The following CNTN4 variants were observed in gnomAD, a reference collection of about 807,000 sequenced individuals.
The protein encoded by CNTN4 is contactin 4.
In CNTN4, 77 loss-of-function variants were observed where a neutral mutation model predicts 122.5. The ratio of observed to expected loss-of-function variants is 0.63; its 90% CI spans 0.52 to 0.76. The LOEUF (loss-of-function observed/expected upper bound fraction) is 0.76, where lower values mean the gene tolerates loss of function less well. CNTN4 is among the 30% of genes least tolerant of loss of function. The pLI, the probability that CNTN4 is intolerant of heterozygous loss-of-function variation, is 0.00. For synonymous variants in CNTN4, 512 were observed against 447.0 expected (o/e 1.15, Z -1.83); for missense variants, 1,256 against 1,259.1 (o/e 1.00, Z 0.04).
chr3:2,512,549 TTA>T (rs1272107699), intron 3 of CNTN4, among the ~76,000 whole-genome samples: 1 of 152,200 alleles, frequency 6.6e-6, no homozygotes, highest in Non-Finnish European at 1.5e-5. Context: ...TTAAAGATTG[TTA>T]TCACTGTGGA....
intron 6 of CNTN4, among the ~76,000 whole-genome samples, chr3:2,817,869 G>T (rs2092773199): frequency 6.6e-6 from 1 of 152,282 alleles, no homozygotes; most frequent in Non-Finnish European, 1.5e-5. Flanking sequence ...TAAAATCCTG[G>T]TTTAATTCCT....
chr3:3,006,165 C>T (rs370831508), intron 14 of CNTN4, among the ~76,000 whole-genome samples: 190 of 152,206 alleles, frequency 1.2e-3, no homozygotes, highest in South Asian at 0.012. Flanking sequence ...CATGAGCCAC[C>T]GCGCCCAGCC....
intron 3 of CNTN4, among the ~76,000 whole-genome samples, chr3:2,492,760 A>G (rs1258740349): frequency 2.6e-5 from 4 of 152,286 alleles, no homozygotes; most frequent in East Asian, 3.9e-4. Flanking sequence ...GAATGAAGCA[A>G]ATAAACTTGG....
intron 3 of CNTN4, among the ~76,000 whole-genome samples, chr3:2,364,215 C>T (rs1352536457): frequency 6.6e-6 from 1 of 152,132 alleles, no homozygotes; most frequent in African/African-American, 2.4e-5. Flanking sequence ...ACAACTTTAA[C>T]CCTCTGATTC....
intron 3 of CNTN4, among the ~76,000 whole-genome samples, chr3:2,366,014 G>C (rs1405670296): frequency 6.6e-6 from 1 of 152,022 alleles, no homozygotes; most frequent in Non-Finnish European, 1.5e-5. Context: ...TTATCCTTTG[G>C]GGGTGAGGAA....
chr3:2,809,187 G>C (rs1012454325), intron 6 of CNTN4, among the ~76,000 whole-genome samples: 1 of 152,248 alleles, frequency 6.6e-6, no homozygotes, highest in Non-Finnish European at 1.5e-5. Context: ...GAAGGATGTA[G>C]TAAAGAGGGG....
At chr3:2,473,011 A>G (rs1459964716) in intron 3 of CNTN4, among the ~76,000 whole-genome samples, 1 of 152,064 alleles carries the variant, frequency 6.6e-6, no homozygotes, top group African/African-American at 2.4e-5. Context: ...AAGCAGGTGG[A>G]TCACCTGAGG....
intron 2 of CNTN4, among the ~76,000 whole-genome samples, chr3:2,254,708 A>T (rs188722980): frequency 6.6e-5 from 10 of 152,218 alleles, no homozygotes; most frequent in Middle Eastern, 6.8e-3. Flanking sequence ...GTGTCTGTTC[A>T]TATCATTTGC....
chr3:2,106,710 T>C (rs1355893164), intron 2 of CNTN4, among the ~76,000 whole-genome samples: 4 of 152,206 alleles, frequency 2.6e-5, no homozygotes, highest in Non-Finnish European at 5.9e-5. Flanking sequence ...CCTGAAGACG[T>C]TTTCCCCATT....
rs187643043 is a variant in CNTN4 at position 2,576,127 on chromosome 3, G to A, written c.55+4569G>A. Among the ~76,000 whole-genome samples, 1,389 of 152,174 alleles carry A rather than the reference G, an allele frequency of 9.1e-3. 11 individuals carry two copies. Among genetic ancestry groups the A allele is most frequent in the Non-Finnish European group, 0.015 (1,020 of 68,018 alleles). Reference sequence around the variant, plus strand: ...TGGAATTACAGGCGTGAGCCACCACGCCCAGCCGCTTTCTTCTTTTTATAC... The same window carrying A: ...TGGAATTACAGGCGTGAGCCACCACACCCAGCCGCTTTCTTCTTTTTATAC... On this transcript the variant is annotated intron_variant, in intron 4 of 24. Transcript: ENST00000418658.
At chr3:2,689,616 C>G (rs917743290) in intron 4 of CNTN4, among the ~76,000 whole-genome samples, 1 of 152,056 alleles carries the variant, frequency 6.6e-6, no homozygotes. Flanking sequence ...GGAATGGATA[C>G]CAGAAAGCAA....
At chr3:2,163,834 G>A (rs2036067442) in intron 2 of CNTN4, among the ~76,000 whole-genome samples, 1 of 152,090 alleles carries the variant, frequency 6.6e-6, no homozygotes, top group Non-Finnish European at 1.5e-5. Flanking sequence ...TTATTAAAAA[G>A]TCAAAAAATA....
chr3:2,941,230 T>C (rs1019386477), intron 13 of CNTN4, among the ~76,000 whole-genome samples: 1 of 152,172 alleles, frequency 6.6e-6, no homozygotes, highest in African/African-American at 2.4e-5. Context: ...ATTGGATTGT[T>C]CCTTCCAGCA....
intron 4 of CNTN4, among the ~76,000 whole-genome samples, chr3:2,673,281 C>T (rs1200073368): frequency 1.3e-5 from 2 of 152,130 alleles, no homozygotes; most frequent in African/African-American, 4.8e-5. Flanking sequence ...TATGTACAGT[C>T]GATTTATGCT....
At chr3:2,976,664 T>A (rs376441666) in intron 13 of CNTN4, among the ~76,000 whole-genome samples, 1 of 152,236 alleles carries the variant, frequency 6.6e-6, no homozygotes, top group Non-Finnish European at 1.5e-5. Flanking sequence ...GAGGTCTCAA[T>A]TGACTCTTTG....
intron 6 of CNTN4, among the ~76,000 whole-genome samples, chr3:2,755,031 C>T (rs976996769): frequency 5.3e-5 from 8 of 152,118 alleles, no homozygotes. Context: ...TGATAGAAAA[C>T]TTTATTAAAC....
chr3:2,855,672 C>T (rs1009307421), intron 7 of CNTN4, among the ~76,000 whole-genome samples: 2 of 152,152 alleles, frequency 1.3e-5, no homozygotes, highest in Non-Finnish European at 2.9e-5. Flanking sequence ...CCAGGTCACA[C>T]GGGTGTCATC....
At chr3:2,204,749 C>T (rs934643392) in intron 2 of CNTN4, among the ~76,000 whole-genome samples, 8 of 151,948 alleles carry the variant, frequency 5.3e-5, no homozygotes, top group African/African-American at 1.9e-4. Flanking sequence ...TGCAAGGCCC[C>T]CCCATGGGAT....
intron 2 of CNTN4, among the ~76,000 whole-genome samples, chr3:2,188,106 G>C (rs1036775898): frequency 2.0e-5 from 3 of 151,628 alleles, no homozygotes; most frequent in African/African-American, 7.3e-5. Flanking sequence ...GTTACCTTTT[G>C]AGCCCTTCCC....
Sources: allele counts gnomAD v4.1 joint callset (sites outside exome capture counted in the v4.1 genomes callset), GRCh38; gene constraint gnomAD v4.1.1; transcripts MANE v1.5; gene names NCBI Gene and HGNC (gene_info 2026-07-23, HGNC 2026-07-21).